CNST: variants seen among roughly 807,000 people sequenced by gnomAD.
CNST encodes consortin.
CNST carries 39 observed loss-of-function variants against 72.4 expected under a neutral mutation model. That is an observed-to-expected ratio of 0.54 (90% CI 0.42 to 0.70). The LOEUF (loss-of-function observed/expected upper bound fraction) is 0.70, where lower values mean the gene tolerates loss of function less well. CNST is among the 30% of genes least tolerant of loss of function. The probability of loss-of-function intolerance (pLI) is 0.00; values close to 1 mark genes in which losing one functional copy is unlikely to be tolerated. For missense variants in CNST, 871 were observed against 868.5 expected, an observed-to-expected ratio of 1.00 and a Z score of -0.04; for synonymous variants, 332 against 320.1, an observed-to-expected ratio of 1.04 and a Z score of -0.40.
chr1:246,607,536 A>C (rs1558552767), intron 2 of CNST: 1 of 154,364 alleles, frequency 6.5e-6, no homozygotes, highest in Non-Finnish European at 1.4e-5. Context: ...GCCTGGGTGC[A>C]GACGGGCTGA....
At chr1:246,649,381 T>A (rs1445544710) in intron 9 of CNST, among the ~76,000 whole-genome samples, 1 of 152,170 alleles carries the variant, frequency 6.6e-6, no homozygotes, top group Admixed American at 6.5e-5. Context: ...AATAGTTTTT[T>A]AAAAAATTAG....
At chr1:246,638,328 C>T (rs962919826) in intron 6 of CNST, among the ~76,000 whole-genome samples, 2 of 152,198 alleles carry the variant, frequency 1.3e-5, no homozygotes, top group Middle Eastern at 3.4e-3. Flanking sequence ...CTTGTTTGGC[C>T]GCCTGATCTG....
chr1:246,574,972 TTTTATTTATTTA>T (rs150720392), intron 1 of CNST, among the ~76,000 whole-genome samples: 22 of 143,654 alleles, frequency 1.5e-4, no homozygotes, highest in East Asian at 1.2e-3. Flanking sequence ...TCCTCAAGTA[TTTTATTTATTTA>T]TTTATTTATT....
intron 1 of CNST, among the ~76,000 whole-genome samples, chr1:246,573,202 G>T (rs1283960033): frequency 6.6e-6 from 1 of 152,120 alleles, no homozygotes; most frequent in African/African-American, 2.4e-5. Flanking sequence ...TTTTGTTGTG[G>T]AGTTCTTCGG....
Position 246,665,768 on chromosome 1 carries a change from G to A in CNST, c.2041G>A (p.Gly681Arg). 6.2e-7 allele frequency: 1 copy of A among 1,613,790 alleles called. No individual in the cohort carries two copies. Among genetic ancestry groups the A allele is most frequent in the Non-Finnish European group, 8.5e-7 (1 of 1,179,930 alleles). ...CATAGCAACGGTTTTCCTCAGTGTT[G>A]GAGGAACTGCATTATACTGCACTTT... is the stretch of plus-strand genomic sequence containing the variant. ...LCIATVFLSVGGTALYCTFGD... is the reference protein window; with the variant it reads ...LCIATVFLSVRGTALYCTFGD... The change falls in exon 11 of 11, where the codon GGA (glycine) becomes AGA (arginine). Residue 681 changes from glycine (G) to arginine (R), a missense_variant. Transcript: ENST00000366513.
At chr1:246,626,965 C>T (rs775211232) in intron 3 of CNST, among the ~76,000 whole-genome samples, 2 of 152,140 alleles carry the variant, frequency 1.3e-5, no homozygotes, top group Non-Finnish European at 2.9e-5. Flanking sequence ...TTTACTTTTC[C>T]CTGCATCCAA....
intron 2 of CNST, among the ~76,000 whole-genome samples, chr1:246,608,858 A>C (rs1425875355): frequency 6.6e-6 from 1 of 152,246 alleles, no homozygotes; most frequent in Non-Finnish European, 1.5e-5. Context: ...GTCAACACTC[A>C]AGTGCAAGAA....
At chr1:246,646,608 G>A (rs1339003602) in intron 8 of CNST, among the ~76,000 whole-genome samples, 1 of 152,050 alleles carries the variant, frequency 6.6e-6, no homozygotes, top group Non-Finnish European at 1.5e-5. Flanking sequence ...AGCCTCCCGA[G>A]TAGCTGGGAT....
chr1:246,624,146 C>T (rs3129544), intron 3 of CNST, among the ~76,000 whole-genome samples: 66,695 of 152,092 alleles, frequency 0.44, 16,313 homozygotes, highest in Non-Finnish European at 0.54. Flanking sequence ...ATCTCCTTTA[C>T]GAACTTGAAG....
At chr1:246,570,682 A>G (rs1206896042) in intron 1 of CNST, among the ~76,000 whole-genome samples, 2 of 152,084 alleles carry the variant, frequency 1.3e-5, no homozygotes, top group East Asian at 3.8e-4. Context: ...ATGTTCTATA[A>G]GAAAATAATA....
intron 2 of CNST, among the ~76,000 whole-genome samples, chr1:246,617,999 C>T (rs565216870): frequency 6.6e-5 from 10 of 152,098 alleles, no homozygotes; most frequent in Non-Finnish European, 1.2e-4. Context: ...AGTTTTCTTG[C>T]CTGAAAAGCA....
At chr1:246,572,105 G>A (rs1014875823) in intron 1 of CNST, among the ~76,000 whole-genome samples, 24 of 152,072 alleles carry the variant, frequency 1.6e-4, no homozygotes, top group Non-Finnish European at 1.8e-4. Flanking sequence ...TGGGACTCAC[G>A]CCTGTAGTCC....
intron 9 of CNST, among the ~76,000 whole-genome samples, chr1:246,658,333 T>C (rs1666880135): frequency 6.6e-6 from 1 of 152,230 alleles, no homozygotes; most frequent in Non-Finnish European, 1.5e-5. Context: ...AGGGAGTTCT[T>C]TAATGACGAT....
In CNST at chr1:246,647,780, T is replaced by C. The variant is rs1363369808; in HGVS notation, c.1579T>C (p.Cys527Arg). The change falls in exon 9 of 11, where the codon TGT becomes CGT. Residue 527 changes from cysteine (C) to arginine (R), a missense_variant. Physicochemically the swap from Cys to Arg is radical, Grantham distance 180 (BLOSUM62 -3). Transcript: ENST00000366513. ...SDLGILLPEVCMAPEEKGDKD... is the reference protein window; with the variant it reads ...SDLGILLPEVRMAPEEKGDKD... ...CTTAGGCATACTGCTTCCAGAGGTG[T>C]GTATGGCCCCAGAGGAAAAGGGAGA... The C allele has an allele frequency of 1.2e-6, 2 of 1,614,098 alleles. No homozygotes were observed. The highest frequency in any genetic ancestry group is 1.1e-5 in the South Asian group (1 of 91,076).
At chr1:246,623,108 G>T (rs1664196910) in intron 3 of CNST, among the ~76,000 whole-genome samples, 2 of 152,204 alleles carry the variant, frequency 1.3e-5, no homozygotes, top group Non-Finnish European at 2.9e-5. Flanking sequence ...ACAGGCGCGA[G>T]CCGCTGCACC....
At chr1:246,627,466 A>C (rs1416513518) in intron 3 of CNST, among the ~76,000 whole-genome samples, 1 of 152,220 alleles carries the variant, frequency 6.6e-6, no homozygotes, top group Non-Finnish European at 1.5e-5. Context: ...GATGTGCTCC[A>C]GCAAAACAAG....
At chr1:246,633,017 T>A (rs961738065) in intron 4 of CNST, among the ~76,000 whole-genome samples, 1 of 152,238 alleles carries the variant, frequency 6.6e-6, no homozygotes, top group African/African-American at 2.4e-5. Flanking sequence ...CCTGTTTCCT[T>A]AAATTACTTT....
intron 2 of CNST, among the ~76,000 whole-genome samples, chr1:246,605,569 T>A (rs970236856): frequency 6.6e-6 from 1 of 152,016 alleles, no homozygotes; most frequent in Non-Finnish European, 1.5e-5. Flanking sequence ...TTTTACAGTC[T>A]CCTGTAAACA....
At chr1:246,616,442 C>T (rs1255999103) in intron 2 of CNST, among the ~76,000 whole-genome samples, 1 of 152,126 alleles carries the variant, frequency 6.6e-6, no homozygotes, top group Non-Finnish European at 1.5e-5. Flanking sequence ...CCTGTGGTTC[C>T]AGCTACTCGG....
Sources: gnomAD v4.1 joint callset for allele counts (sites outside exome capture counted in the v4.1 genomes callset) on GRCh38, gnomAD v4.1.1 for gene constraint, MANE v1.5 for transcripts, NCBI Gene and HGNC (gene_info 2026-07-23, HGNC 2026-07-21) for gene names.